Variants in BMP2K observed in about 807,000 individuals in gnomAD.
BMP2K encodes BMP2 inducible kinase, also known as BMP-2-inducible protein kinase.
A neutral mutation model predicts 116.0 loss-of-function variants in BMP2K; 74 were observed. That is an observed-to-expected ratio of 0.64 (90% CI 0.53 to 0.77). BMP2K has a LOEUF of 0.77. Among genes scored for constraint, BMP2K ranks in the 30% least tolerant of loss-of-function variants. The probability of loss-of-function intolerance (pLI) is 0.00; values close to 1 mark genes in which losing one functional copy is unlikely to be tolerated. For synonymous variants in BMP2K, 486 were observed against 502.5 expected (o/e 0.97, Z 0.44); for missense variants, 1,365 against 1,403.6 (o/e 0.97, Z 0.44).
At chr4:78,885,883 G>A (rs964855955) in intron 14 of BMP2K, among the ~76,000 whole-genome samples, 1 of 152,126 alleles carries the variant, frequency 6.6e-6, no homozygotes, top group Non-Finnish European at 1.5e-5. Context: ...TAGAGACAGA[G>A]TCTCTCTGTC....
intron 1 of BMP2K, among the ~76,000 whole-genome samples, chr4:78,779,453 A>G (rs554198425): frequency 1.3e-5 from 2 of 152,360 alleles, no homozygotes; most frequent in Non-Finnish European, 2.9e-5. Flanking sequence ...TAGCAAGCAC[A>G]AAAATGAGAA....
intron 6 of BMP2K, 116 bp downstream of exon 6, chr4:78,847,385 G>A (rs964599742): frequency 6.6e-5 from 33 of 497,220 alleles, no homozygotes; most frequent in South Asian, 1.4e-4. Flanking sequence ...AGAGAGTGAT[G>A]TACAGTAGAG....
intron 2 of BMP2K, among the ~76,000 whole-genome samples, chr4:78,827,291 C>G (rs976853822): frequency 6.6e-6 from 1 of 151,756 alleles, no homozygotes; most frequent in Non-Finnish European, 1.5e-5. Flanking sequence ...ATTGCATAAG[C>G]AAAGCCCGGT....
chr4:78,798,616 G>A (rs971769886), intron 1 of BMP2K, among the ~76,000 whole-genome samples: 7 of 152,108 alleles, frequency 4.6e-5, no homozygotes, highest in Admixed American at 1.3e-4. Context: ...AAACTCCAAC[G>A]GATACTTGGA....
chr4:78,889,451 TAA>T (rs1297127250), intron 15 of BMP2K, among the ~76,000 whole-genome samples: 3 of 152,122 alleles, frequency 2.0e-5, no homozygotes, highest in African/African-American at 7.2e-5. Context: ...TCTAAAATAT[TAA>T]GTTAAAAAAT....
At chr4:78,858,984 A>C (rs961882878) in intron 7 of BMP2K, among the ~76,000 whole-genome samples, 1 of 151,930 alleles carries the variant, frequency 6.6e-6, no homozygotes, top group Non-Finnish European at 1.5e-5. Context: ...AAATCTGTTC[A>C]TAAAAACCAG....
intron 1 of BMP2K, among the ~76,000 whole-genome samples, chr4:78,787,342 T>C (rs1207970682): frequency 1.3e-5 from 2 of 152,240 alleles, no homozygotes; most frequent in East Asian, 3.8e-4. Context: ...ACCAGATTTA[T>C]TTTTGGACTC....
rs531085178 is a variant in BMP2K at position 78,843,577 on chromosome 4, G to A, written c.546+1050G>A. On this transcript the variant is annotated intron_variant, in intron 4 of 15. Transcript: ENST00000502613. ...AAAGTTTATTATAAAATGCTTGTAAGATAAAAGAGAAAATGTCACTAAAAA... is the reference window on the plus strand; with the variant it reads ...AAAGTTTATTATAAAATGCTTGTAAAATAAAAGAGAAAATGTCACTAAAAA... Among the ~76,000 whole-genome samples the A allele has an allele frequency of 2.6e-5, 4 of 151,930 alleles. No individual in the cohort carries two copies. In the South Asian group the frequency reaches 8.3e-4, roughly 32 times the overall value.
chr4:78,845,854 T>G (rs913956415), intron 5 of BMP2K, among the ~76,000 whole-genome samples: 1 of 151,620 alleles, frequency 6.6e-6, no homozygotes, highest in Non-Finnish European at 1.5e-5. Flanking sequence ...AGAGCTGATT[T>G]TACTCTGGCC....
chr4:78,779,593 T>C (rs1727408337), intron 1 of BMP2K, among the ~76,000 whole-genome samples: 1 of 152,238 alleles, frequency 6.6e-6, no homozygotes, highest in Non-Finnish European at 1.5e-5. Flanking sequence ...GTGGAAGTGC[T>C]ATGAGTAATG....
chr4:78,852,896 G>A (rs977337566), intron 7 of BMP2K, among the ~76,000 whole-genome samples: 1 of 152,110 alleles, frequency 6.6e-6, no homozygotes, highest in African/African-American at 2.4e-5. Flanking sequence ...GAACCACCAT[G>A]TTTGGCCTGC....
intron 15 of BMP2K, among the ~76,000 whole-genome samples, chr4:78,892,830 T>C (rs1371177573): frequency 6.6e-6 from 1 of 152,246 alleles, no homozygotes; most frequent in African/African-American, 2.4e-5. Flanking sequence ...AAATAACTTA[T>C]TGATAAAAAA....
At chr4:78,834,483 G>A (rs1190186321) in intron 3 of BMP2K, among the ~76,000 whole-genome samples, 1 of 151,916 alleles carries the variant, frequency 6.6e-6, no homozygotes, top group Admixed American at 6.6e-5. Context: ...GGATGGTCTC[G>A]ATCTCCTGAC....
intron 2 of BMP2K, among the ~76,000 whole-genome samples, chr4:78,829,770 CTTTTCTTTTCTTTTCTT>C (rs1730071772): frequency 1.8e-5 from 2 of 108,534 alleles, no homozygotes; most frequent in African/African-American, 9.8e-5. Context: ...CTTTTCTTTT[CTTTTCTTTTCTTTTCTT>C]TTCTCTTCTC....
intron 1 of BMP2K, among the ~76,000 whole-genome samples, chr4:78,820,571 G>T (rs888251372): frequency 2.0e-5 from 3 of 151,890 alleles, no homozygotes; most frequent in Non-Finnish European, 2.9e-5. Flanking sequence ...ACTGGATCTG[G>T]TGGACTGTTT....
intron 1 of BMP2K, among the ~76,000 whole-genome samples, chr4:78,805,738 A>G (rs1456424088): frequency 6.6e-6 from 1 of 152,156 alleles, no homozygotes; most frequent in Non-Finnish European, 1.5e-5. Flanking sequence ...TGGGAGGCTG[A>G]GGCGGGTGGA....
At chr4:78,781,617 C>A (rs1055076168) in intron 1 of BMP2K, among the ~76,000 whole-genome samples, 1 of 151,918 alleles carries the variant, frequency 6.6e-6, no homozygotes, top group African/African-American at 2.4e-5. Flanking sequence ...TTATTTAAAG[C>A]CCTGGGAGAG....
intron 15 of BMP2K, among the ~76,000 whole-genome samples, chr4:78,890,411 C>T (rs543036442): frequency 1.3e-5 from 2 of 152,066 alleles, no homozygotes; most frequent in South Asian, 4.2e-4. Context: ...TGCGCACACA[C>T]ACACACACAC....
At chr4:78,909,404 A>G (rs965378706) in intron 15 of BMP2K, among the ~76,000 whole-genome samples, 2 of 151,932 alleles carry the variant, frequency 1.3e-5, no homozygotes, top group South Asian at 4.1e-4. Context: ...CTATTTTAAT[A>G]ATAGCTTTCC....
Sources: allele counts gnomAD v4.1 joint callset (sites outside exome capture counted in the v4.1 genomes callset), GRCh38; gene constraint gnomAD v4.1.1; transcripts MANE v1.5; gene names NCBI Gene and HGNC (gene_info 2026-07-23, HGNC 2026-07-21).